The following PIP4K2A variants were observed in gnomAD, a reference collection of about 807,000 sequenced individuals.
PIP4K2A encodes the protein phosphatidylinositol 5-phosphate 4-kinase type-2 alpha.
PIP4K2A carries 14 observed loss-of-function variants against 42.9 expected under a neutral mutation model. That is an observed-to-expected ratio of 0.33 (90% CI 0.22 to 0.51). PIP4K2A has a LOEUF of 0.51. Ranked by LOEUF, PIP4K2A falls within the 20% of genes least tolerant of loss-of-function variation. The pLI is 0.97. For missense variants in PIP4K2A, 434 were observed against 519.8 expected (o/e 0.83, Z 1.61); for synonymous variants, 192 against 192.2 (o/e 1.00, Z 0.01).
intron 1 of PIP4K2A, among the ~76,000 whole-genome samples, chr10:22,648,423 T>G (rs1196312974): frequency 1.3e-5 from 2 of 152,242 alleles, no homozygotes; most frequent in African/African-American, 4.8e-5. Context: ...GAAGAATATT[T>G]CTTCCATGGG....
Position 22,601,159 on chromosome 10 carries a change from AAAAAC to A in PIP4K2A, c.339+6763_339+6767del, listed in dbSNP as rs1415225184. 2.2e-3 allele frequency among the ~76,000 whole-genome samples: 281 copies of A among 126,056 alleles called. 13 individuals are homozygous for A. Among genetic ancestry groups the A allele is most frequent in the East Asian group, 0.017 (82 of 4,712 alleles). 82.7% of individuals were successfully genotyped at this position (126,056 alleles called of 152,430 possible). On this transcript the variant is annotated intron_variant, in intron 3 of 9. Transcript: ENST00000376573. The stretch of plus-strand genomic sequence containing the variant: ...AAAAAAAAAAAAAAAAAAAAAAAAA[AAAAAC>A]AAACCAGGAACATGTCCCCAAGGCT...
intron 1 of PIP4K2A, among the ~76,000 whole-genome samples, chr10:22,622,289 T>A (rs1838348266): frequency 6.6e-6 from 1 of 152,164 alleles, no homozygotes; most frequent in African/African-American, 2.4e-5. Context: ...CAGCTGGGGT[T>A]CAGGTGGCAG....
intron 6 of PIP4K2A, among the ~76,000 whole-genome samples, chr10:22,560,372 A>G (rs1017284627): frequency 6.6e-6 from 1 of 152,168 alleles, no homozygotes; most frequent in Non-Finnish European, 1.5e-5. Context: ...ATGGCAGCCC[A>G]GATGACCAGA....
At chr10:22,643,011 A>C (rs1778334) in intron 1 of PIP4K2A, among the ~76,000 whole-genome samples, 40,668 of 151,976 alleles carry the variant, frequency 0.27, 5,760 homozygotes, top group Non-Finnish European at 0.31. Context: ...TTACCTGCCT[A>C]TTTCATTAAG....
intron 1 of PIP4K2A, among the ~76,000 whole-genome samples, chr10:22,685,829 T>C (rs1223028717): frequency 3.3e-5 from 5 of 152,182 alleles, no homozygotes; most frequent in Admixed American, 6.5e-5. Flanking sequence ...CTCACAGCAA[T>C]GGCAGGCCAT....
At chr10:22,695,521 G>T (rs577349650) in intron 1 of PIP4K2A, among the ~76,000 whole-genome samples, 2 of 152,212 alleles carry the variant, frequency 1.3e-5, no homozygotes, top group South Asian at 4.2e-4. Flanking sequence ...TTTCCTAGGA[G>T]AGCTACACAG....
intron 6 of PIP4K2A, 96 bp downstream of exon 6, chr10:22,567,755 T>C (rs543059733): frequency 7.7e-6 from 8 of 1,041,814 alleles, no homozygotes; most frequent in East Asian, 2.4e-5. Flanking sequence ...AGAACCACAA[T>C]AGCAGGGGTG....
intron 1 of PIP4K2A, among the ~76,000 whole-genome samples, chr10:22,681,190 T>G (rs116248822): frequency 1.9e-3 from 294 of 152,360 alleles, no homozygotes; most frequent in African/African-American, 6.8e-3. Context: ...TGGATTTCAC[T>G]CTTTTAAAGA....
At chr10:22,584,130 C>T (rs1837338745) in intron 4 of PIP4K2A, among the ~76,000 whole-genome samples, 1 of 152,104 alleles carries the variant, frequency 6.6e-6, no homozygotes, top group Non-Finnish European at 1.5e-5. Flanking sequence ...ACAACAAATT[C>T]AGGCCCCCAG....
chr10:22,712,529 A>T (rs545428350), intron 1 of PIP4K2A, among the ~76,000 whole-genome samples: 1 of 152,338 alleles, frequency 6.6e-6, no homozygotes, highest in East Asian at 1.9e-4. Flanking sequence ...GTAATAAGGG[A>T]CCCAAAAACT....
chr10:22,553,898 C>T (rs1836471806), intron 6 of PIP4K2A, among the ~76,000 whole-genome samples: 1 of 149,632 alleles, frequency 6.7e-6, no homozygotes, highest in African/African-American at 2.5e-5. Context: ...CACTTTGGGA[C>T]TCTGAGACAG....
At chr10:22,696,423 C>T (rs1839974667) in intron 1 of PIP4K2A, among the ~76,000 whole-genome samples, 1 of 152,044 alleles carries the variant, frequency 6.6e-6, no homozygotes, top group African/African-American at 2.4e-5. Context: ...GAAATGAATC[C>T]TTAAATGGTC....
chr10:22,629,646 C>T (rs565323467), intron 1 of PIP4K2A, among the ~76,000 whole-genome samples: 2 of 152,270 alleles, frequency 1.3e-5, no homozygotes, highest in East Asian at 3.9e-4. Flanking sequence ...CTAACCCCAT[C>T]AGAACTTTAG....
At chr10:22,621,354 G>C (rs376432195) in intron 1 of PIP4K2A, among the ~76,000 whole-genome samples, 3 of 152,168 alleles carry the variant, frequency 2.0e-5, no homozygotes, top group African/African-American at 7.2e-5. Context: ...CAATCACACA[G>C]CACTCTAAGA....
intron 5 of PIP4K2A, 107 bp from the exon 6 acceptor site, chr10:22,567,996 C>CA (rs764147971): frequency 8.1e-6 from 8 of 988,314 alleles, no homozygotes; most frequent in Non-Finnish European, 8.1e-6. Context: ...GCTCAGCACC[C>CA]ACTCTGCTTC....
At chr10:22,550,635 G>C in intron 7 of PIP4K2A, 24 bp downstream of exon 7, 1 of 1,165,186 alleles carries the variant, frequency 8.6e-7, no homozygotes, top group East Asian at 2.3e-5. Flanking sequence ...CAATGAGTCT[G>C]GCCTCTCCAC....
At chr10:22,584,576 G>T (rs1430062784) in intron 4 of PIP4K2A, among the ~76,000 whole-genome samples, 1 of 152,160 alleles carries the variant, frequency 6.6e-6, no homozygotes, top group Non-Finnish European at 1.5e-5. Context: ...AAGCTTGCTG[G>T]GGAGTGTGCC....
At chr10:22,686,343 C>T (rs954023246) in intron 1 of PIP4K2A, among the ~76,000 whole-genome samples, 1 of 152,176 alleles carries the variant, frequency 6.6e-6, no homozygotes, top group Non-Finnish European at 1.5e-5. Flanking sequence ...GGACTTTAAA[C>T]CCCTGGATTC....
intron 9 of PIP4K2A, among the ~76,000 whole-genome samples, chr10:22,538,463 T>G (rs1835996531): frequency 6.6e-6 from 1 of 152,132 alleles, no homozygotes; most frequent in African/African-American, 2.4e-5. Context: ...AACTCTTGTA[T>G]CTCTGGCAAA....
Sources: gnomAD v4.1 joint callset for allele counts (sites outside exome capture counted in the v4.1 genomes callset) on GRCh38, gnomAD v4.1.1 for gene constraint, MANE v1.5 for transcripts, NCBI Gene and HGNC (gene_info 2026-07-23, HGNC 2026-07-21) for gene names.